Variants in FAM110C observed in about 807,000 individuals in gnomAD.
FAM110C encodes the protein family with sequence similarity 110 member C.
A neutral mutation model predicts 15.7 loss-of-function variants in FAM110C; 19 were observed. The ratio of observed to expected loss-of-function variants is 1.21; its 90% CI spans 0.85 to 1.78. FAM110C has a LOEUF of 1.78. Ranked by LOEUF, FAM110C falls within the 40% of genes most tolerant of loss-of-function variation. FAM110C has a pLI of 0.00. For synonymous variants in FAM110C, 275 were observed against 233.9 expected (o/e 1.18, Z -1.61); for missense variants, 547 against 495.7 (o/e 1.10, Z -0.98).
At chr2:44,296 T>A (rs1336289617) in intron 1 of FAM110C, 2 of 985,282 alleles carry the variant, frequency 2.0e-6, no homozygotes, top group Non-Finnish European at 2.4e-6. Flanking sequence ...GAATGAATTA[T>A]CTTCTTCTCA....
rs1664103851 is a variant in FAM110C at position 40,843 on chromosome 2, T to C, written c.*765A>G. The C allele has an allele frequency of 1.3e-5, 2 of 152,230 alleles. No homozygotes were observed. The highest frequency in any genetic ancestry group is 2.9e-5 in the Non-Finnish European group (2 of 68,026). The allele number at this position is 152,230 out of a possible 1,614,324, so 9.4% of individuals were successfully genotyped here. A position where few individuals can be genotyped will look rare whatever the true frequency, so the allele number is the denominator to read the frequency against. On this transcript the variant is annotated 3_prime_UTR_variant, in exon 2 of 2. Transcript: ENST00000327669. The stretch of plus-strand genomic sequence containing the variant: ...TGACCAAAGGAAACTCCAAGATTCT[T>C]CCGCTAACTCTCCAGAAACTGTCCA...
intron 1 of FAM110C, chr2:43,563 T>G: frequency 2.0e-6 from 2 of 985,458 alleles, no homozygotes; most frequent in Non-Finnish European, 1.2e-6. Flanking sequence ...GTCTTTAGGA[T>G]TTAGTCTATG....
intron 1 of FAM110C, chr2:45,047 G>A: frequency 4.1e-6 from 4 of 985,414 alleles, no homozygotes; most frequent in Non-Finnish European, 4.8e-6. Context: ...AATGAACTCA[G>A]GAACTAGGGC....
intron 1 of FAM110C, chr2:42,190 G>C (rs574097107): frequency 1.0e-6 from 1 of 985,232 alleles, no homozygotes; most frequent in Admixed American, 6.2e-5. Context: ...TGGATGTCCC[G>C]GGTTTATTTT....
At position 46,004 on chromosome 2, in the gene FAM110C, G is replaced by A. The variant is rs1210280031; in HGVS notation, c.382C>T (p.Gln128Ter). The part of the protein sequence containing the change: ...PRASLVKKLF[Q>*]GPGKDKAPVP... The stretch of plus-strand genomic sequence containing the variant: ...GGCGCCTTGTCCTTACCCGGCCCCT[G>A]GAAGAGCTTCTTCACCAGGCTTGCC... Residue 128 changes from glutamine to a stop codon, truncating the protein, a stop_gained, in exon 1 of 2, where the codon CAG becomes TAG. Coordinates refer to ENST00000327669, the MANE Select transcript of FAM110C (RefSeq NM_001077710.3). LOFTEE classifies it high-confidence loss of function. The A allele has an allele frequency of 6.1e-6, 9 of 1,475,470 alleles. No homozygotes were observed. The highest frequency in any genetic ancestry group is 8.0e-6 in the Non-Finnish European group (9 of 1,119,946). 91.4% of individuals were successfully genotyped at this position (1,475,470 alleles called of 1,614,324 possible).
chr2:42,083 G>C, intron 1 of FAM110C: 1 of 985,406 alleles, frequency 1.0e-6, no homozygotes, highest in South Asian at 4.7e-5. Context: ...CGACAGGGAA[G>C]AGTGGCCTTA....
In FAM110C at chr2:45,616, C is replaced by A. The variant is rs748103488; in HGVS notation, c.770G>T (p.Gly257Val). 1 of 1,613,196 alleles carries A rather than the reference C, an allele frequency of 6.2e-7. No homozygotes were observed. The highest frequency in any genetic ancestry group is 1.3e-5 in the African/African-American group (1 of 74,948). ...KVRSVSVATS[G>V]SGFSRHSGGD... ...GCCGCTGTGCCGGGAGAAGCCGCTGCCGGAGGTGGCGACGCTCACGCTGCG... is the reference window on the plus strand; with the variant it reads ...GCCGCTGTGCCGGGAGAAGCCGCTGACGGAGGTGGCGACGCTCACGCTGCG... Residue 257 changes from glycine to valine, a missense_variant, in exon 1 of 2, where the codon GGC (glycine) becomes GTC (valine). Gly to Val is a moderately radical substitution (Grantham distance 109, BLOSUM62 -3). Transcript: ENST00000327669.
At chr2:42,584 T>C (rs946668341) in intron 1 of FAM110C, among the ~76,000 whole-genome samples, 11 of 152,238 alleles carry the variant, frequency 7.2e-5, no homozygotes, top group African/African-American at 2.4e-4. Context: ...CTACTGCTCA[T>C]GGGTTCCCCA....
At position 39,134 on chromosome 2, in the gene FAM110C, T is replaced by G. The variant is rs1351922160; in HGVS notation, c.*2474A>C. 6.6e-6 allele frequency: 1 copy of G among 152,258 alleles called. No homozygotes were observed. Among genetic ancestry groups the G allele is most frequent in the African/African-American group, 2.4e-5 (1 of 41,468 alleles). The allele number at this position is 152,258 out of a possible 1,614,324, so 9.4% of individuals were successfully genotyped here. On this transcript the variant is annotated 3_prime_UTR_variant, in exon 2 of 2. Transcript: ENST00000327669. ...AAAAGTACCTTGCAGCCGTCACTAT[T>G]GCCCATTCTTGTGGGAAGCAATCGC...
At chr2:43,988 T>A in intron 1 of FAM110C, 1 of 985,404 alleles carries the variant, frequency 1.0e-6, no homozygotes, top group Non-Finnish European at 1.2e-6. Context: ...TTTGCTAACA[T>A]AAGACAGGCC....
chr2:42,769 T>C (rs1664159208), intron 1 of FAM110C: 1 of 934,548 alleles, frequency 1.1e-6, no homozygotes, highest in Admixed American at 6.2e-5. Context: ...GACAAAAACC[T>C]CCAAATATAT....
In FAM110C at chr2:46,075, C is replaced by A. The variant is rs372922437; in HGVS notation, c.311G>T (p.Arg104Leu). 7.2e-6 allele frequency: 11 copies of A among 1,524,178 alleles called. No homozygotes were observed. Among genetic ancestry groups the A allele is most frequent in the South Asian group, 1.2e-5 (1 of 82,412 alleles). 94.4% of individuals were successfully genotyped at this position (1,524,178 alleles called of 1,614,324 possible). A position where few individuals can be genotyped will look rare whatever the true frequency, so the allele number is the denominator to read the frequency against. Residue 104 changes from arginine (R) to leucine (L), a missense_variant, in exon 1 of 2, where the codon CGG (arginine) becomes CTG (leucine). Physicochemically the swap from Arg to Leu is moderately radical, Grantham distance 102. Coordinates refer to ENST00000327669, the MANE Select transcript of FAM110C (RefSeq NM_001077710.3). ...PLRPDSLIIYRQKCEFVRGSG... is the reference protein window; with the variant it reads ...PLRPDSLIIYLQKCEFVRGSG... Reference sequence around the variant, plus strand: ...TCCTCGCACGAATTCGCATTTCTGCCGGTAGATGATCAGCGAGTCCGGTCT... The same window carrying A: ...TCCTCGCACGAATTCGCATTTCTGCAGGTAGATGATCAGCGAGTCCGGTCT...
intron 1 of FAM110C, 188 bp from the exon 2 acceptor site, chr2:41,815 C>T (rs1458658110): frequency 1.6e-5 from 16 of 985,280 alleles, no homozygotes; most frequent in Non-Finnish European, 1.8e-5. Context: ...ATACAGCTAT[C>T]ATCTCGTTTC....
At chr2:42,878 A>C (rs2103270241) in intron 1 of FAM110C, 1 of 985,498 alleles carries the variant, frequency 1.0e-6, no homozygotes, top group South Asian at 4.7e-5. Flanking sequence ...TTTCAGCAGA[A>C]AAAGCACAGC....
Position 45,794 on chromosome 2 carries a change from G to C in FAM110C, c.592C>G (p.Gln198Glu), listed in dbSNP as rs745463888. Reference protein sequence around the residue: ...EPRVVRRRGLQRSQSDLSSRY... With the variant: ...EPRVVRRRGLERSQSDLSSRY... ...GAGCTGAGGTCCGACTGTGAGCGCT[G>C]CAGCCCCCGACGCCTCACCACCCGC... The change falls in exon 1 of 2, where the codon CAG (glutamine) becomes GAG (glutamate). Residue 198 changes from glutamine (Q) to glutamate (E), a missense_variant. Gln to Glu is a conservative substitution (Grantham distance 29). Transcript: ENST00000327669. The C allele has an allele frequency of 1.3e-6, 2 of 1,556,292 alleles. No homozygotes were observed. Among genetic ancestry groups the C allele is most frequent in the South Asian group, 2.3e-5 (2 of 85,136 alleles).
intron 1 of FAM110C, 81 bp downstream of exon 1, chr2:45,359 C>T: frequency 6.6e-7 from 1 of 1,504,878 alleles, no homozygotes; most frequent in South Asian, 1.3e-5. Flanking sequence ...TGTAACTGGC[C>T]ATCGCCCAGC....
At chr2:43,246 G>T in intron 1 of FAM110C, 2 of 985,418 alleles carry the variant, frequency 2.0e-6, no homozygotes, top group Non-Finnish European at 2.4e-6. Context: ...TAGTGCTGGT[G>T]ACTGCCAATT....
chr2:42,344 C>T (rs1320025849), intron 1 of FAM110C: 1 of 983,464 alleles, frequency 1.0e-6, no homozygotes, highest in Non-Finnish European at 1.2e-6. Context: ...TGAAATTAAG[C>T]AATGTTTTAT....
intron 1 of FAM110C, chr2:44,863 G>T (rs963863848): frequency 2.0e-6 from 2 of 985,294 alleles, no homozygotes; most frequent in Non-Finnish European, 2.4e-6. Context: ...GTTGCTAAGT[G>T]AATGCCAAAG....
Sources: allele counts gnomAD v4.1 joint callset (sites outside exome capture counted in the v4.1 genomes callset), GRCh38; gene constraint gnomAD v4.1.1; transcripts MANE v1.5; gene names NCBI Gene and HGNC (gene_info 2026-07-23, HGNC 2026-07-21).